The following PXDNL variants were observed in gnomAD, a reference collection of about 807,000 sequenced individuals.
The protein encoded by PXDNL is peroxidasin like.
A neutral mutation model predicts 150.8 loss-of-function variants in PXDNL; 145 were observed. That is an observed-to-expected ratio of 0.96 (90% confidence interval 0.84 to 1.10). The LOEUF (loss-of-function observed/expected upper bound fraction) is 1.10. PXDNL is among the 50% of genes least tolerant of loss of function. The probability of loss-of-function intolerance (pLI) is 0.00; values close to 1 mark genes in which losing one functional copy is unlikely to be tolerated. For missense variants in PXDNL, 2,087 were observed against 1,873.9 expected (o/e 1.11, Z -2.10); for synonymous variants, 757 against 725.7 (o/e 1.04, Z -0.69).
chr8:51,649,986 C>T (rs1267077375), intron 2 of PXDNL, among the ~76,000 whole-genome samples: 1 of 151,526 alleles, frequency 6.6e-6, no homozygotes, highest in Non-Finnish European at 1.5e-5. Flanking sequence ...GCCTGTAATC[C>T]CAGCTAGTTG....
intron 21 of PXDNL, among the ~76,000 whole-genome samples, chr8:51,323,971 G>A (rs147863356): frequency 2.1e-3 from 317 of 151,516 alleles, no homozygotes; most frequent in African/African-American, 7.2e-3. Context: ...AATCTTGTAC[G>A]GGTCATTAGT....
intron 3 of PXDNL, among the ~76,000 whole-genome samples, chr8:51,591,719 C>T (rs1318927194): frequency 2.0e-5 from 3 of 151,850 alleles, no homozygotes; most frequent in Admixed American, 2.0e-4. Context: ...CCTGGGTTCA[C>T]GCCATTCTCC....
intron 4 of PXDNL, among the ~76,000 whole-genome samples, chr8:51,529,991 G>A (rs548945979): frequency 1.2e-4 from 19 of 152,178 alleles, no homozygotes; most frequent in African/African-American, 3.9e-4. Flanking sequence ...ATGATCCCTA[G>A]GGAGGCAACT....
At chr8:51,655,265 G>A (rs1815127055) in intron 1 of PXDNL, among the ~76,000 whole-genome samples, 1 of 152,200 alleles carries the variant, frequency 6.6e-6, no homozygotes, top group Non-Finnish European at 1.5e-5. Context: ...CAATTAGTTT[G>A]AGAGAGACGT....
At chr8:51,384,295 A>AC (rs1807633231) in intron 17 of PXDNL, among the ~76,000 whole-genome samples, 1 of 152,218 alleles carries the variant, frequency 6.6e-6, no homozygotes, top group East Asian at 1.9e-4. Flanking sequence ...AAAACATCCT[A>AC]CCCCACTAGC....
intron 2 of PXDNL, among the ~76,000 whole-genome samples, chr8:51,599,844 A>G (rs893335632): frequency 1.3e-4 from 18 of 134,404 alleles, no homozygotes; most frequent in Non-Finnish European, 2.6e-4. Context: ...ATAATAAATT[A>G]TACCTTATAT....
chr8:51,620,055 T>C (rs940948905), intron 2 of PXDNL, among the ~76,000 whole-genome samples: 1 of 152,174 alleles, frequency 6.6e-6, no homozygotes, highest in Non-Finnish European at 1.5e-5. Flanking sequence ...ATCACCCTTA[T>C]GATGGGGAAG....
At chr8:51,375,023 C>T (rs887050183) in intron 17 of PXDNL, among the ~76,000 whole-genome samples, 1 of 151,856 alleles carries the variant, frequency 6.6e-6, no homozygotes, top group African/African-American at 2.4e-5. Flanking sequence ...TGGAGTATAA[C>T]TGTATATATA....
At chr8:51,763,774 A>C (rs2037194023) in intron 1 of PXDNL, among the ~76,000 whole-genome samples, 1 of 152,216 alleles carries the variant, frequency 6.6e-6, no homozygotes, top group South Asian at 2.1e-4. Flanking sequence ...CTTTGTGTAT[A>C]TTGACCTCCA....
Position 51,453,594 on chromosome 8 carries a change from C to G in PXDNL, c.1174G>C (p.Asp392His). Reference sequence around the variant, plus strand: ...GCATGACAGGTAAATCGACCATGATCCCGTTGTGTGATGTTCTGTAAGTAA... The same window carrying G: ...GCATGACAGGTAAATCGACCATGATGCCGTTGTGTGATGTTCTGTAAGTAA... ...GLYLQNITQRDHGRFTCHANN... is the reference protein window; with the variant it reads ...GLYLQNITQRHHGRFTCHANN... The change falls in exon 10 of 23, where the codon GAT becomes CAT. Residue 392 changes from aspartate (D) to histidine (H), a missense_variant. Physicochemically the swap from Asp to His is moderately conservative, Grantham distance 81. Transcript: ENST00000356297. The G allele has an allele frequency of 1.2e-6, 2 of 1,613,984 alleles. No homozygotes were observed. Among genetic ancestry groups the G allele is most frequent in the Non-Finnish European group, 1.7e-6 (2 of 1,179,888 alleles).
At chr8:51,479,812 CTA>C (rs1810561262) in intron 6 of PXDNL, among the ~76,000 whole-genome samples, 1 of 152,120 alleles carries the variant, frequency 6.6e-6, no homozygotes. Context: ...GACTTCACCA[CTA>C]TGTTATATAT....
chr8:51,594,178 G>T (rs189068323), intron 2 of PXDNL, among the ~76,000 whole-genome samples: 23 of 152,268 alleles, frequency 1.5e-4, no homozygotes, highest in African/African-American at 5.5e-4. Context: ...TAAACTATAC[G>T]TGTGTATACA....
At chr8:51,419,781 T>C (rs1004745218) in intron 14 of PXDNL, among the ~76,000 whole-genome samples, 37 of 152,314 alleles carry the variant, frequency 2.4e-4, no homozygotes, top group African/African-American at 8.9e-4. Flanking sequence ...AAATAAAATG[T>C]GTAGCATTTG....
chr8:51,659,879 ATTT>A (rs1266609883), intron 1 of PXDNL, among the ~76,000 whole-genome samples: 4 of 150,950 alleles, frequency 2.6e-5, no homozygotes, highest in African/African-American at 9.7e-5. Flanking sequence ...TTATTTATTT[ATTT>A]ATTTATTTAT....
chr8:51,548,197 T>C (rs1422599931), intron 4 of PXDNL, among the ~76,000 whole-genome samples: 1 of 152,050 alleles, frequency 6.6e-6, no homozygotes, highest in East Asian at 1.9e-4. Flanking sequence ...TTGGATTATG[T>C]TAAACAACCA....
chr8:51,665,102 C>T (rs1021854629), intron 1 of PXDNL, among the ~76,000 whole-genome samples: 6 of 152,158 alleles, frequency 3.9e-5, no homozygotes, highest in African/African-American at 1.2e-4. Context: ...CTGGCTGCCA[C>T]ACTGGAATGT....
intron 1 of PXDNL, among the ~76,000 whole-genome samples, chr8:51,715,410 C>T (rs1051984764): frequency 2.0e-5 from 3 of 152,320 alleles, no homozygotes; most frequent in South Asian, 2.1e-4. Context: ...TGACTGACTC[C>T]ACCACACACG....
intron 5 of PXDNL, among the ~76,000 whole-genome samples, chr8:51,486,769 TA>T (rs1563433379): frequency 3.8e-3 from 32 of 8,326 alleles, no homozygotes; most frequent in African/African-American, 7.8e-3. Context: ...TATATATATA[TA>T]TATATATATA....
At chr8:51,493,993 T>G (rs1423298731) in intron 5 of PXDNL, among the ~76,000 whole-genome samples, 1 of 151,648 alleles carries the variant, frequency 6.6e-6, no homozygotes, top group Non-Finnish European at 1.5e-5. Flanking sequence ...TTCACCAAAG[T>G]TGAAATGAAG....
Sources: allele counts gnomAD v4.1 joint callset (sites outside exome capture counted in the v4.1 genomes callset), GRCh38; gene constraint gnomAD v4.1.1; transcripts MANE v1.5; gene names NCBI Gene and HGNC (gene_info 2026-07-23, HGNC 2026-07-21).